The following EPHA6 variants were observed in gnomAD, a reference collection of about 807,000 sequenced individuals.
EPHA6 encodes the protein ephrin type-A receptor 6.
A neutral mutation model predicts 112.0 loss-of-function variants in EPHA6; 50 were observed. The ratio of observed to expected loss-of-function variants is 0.45; its 90% confidence interval spans 0.36 to 0.56. EPHA6 has a LOEUF of 0.56. Ranked by LOEUF, EPHA6 falls within the 20% of genes least tolerant of loss-of-function variation. The pLI is 0.00. For synonymous variants in EPHA6, 529 were observed against 490.7 expected (o/e 1.08, Z -1.03); for missense variants, 1,280 against 1,417.4 (o/e 0.90, Z 1.56).
chr3:97,323,660 C>T (rs1052160396), intron 5 of EPHA6, among the ~76,000 whole-genome samples: 1 of 151,820 alleles, frequency 6.6e-6, no homozygotes, highest in Non-Finnish European at 1.5e-5. Context: ...TATTCAAATC[C>T]TCACATAAAA....
chr3:97,468,193 T>C (rs1216945956), intron 7 of EPHA6, among the ~76,000 whole-genome samples: 3 of 150,038 alleles, frequency 2.0e-5, no homozygotes, highest in African/African-American at 4.9e-5. Flanking sequence ...TCAACAGAAA[T>C]GATCCATGAG....
In EPHA6 at chr3:97,228,081, G is replaced by T. The variant is rs577758634; in HGVS notation, c.1270+1662G>T. ...GCCTCTCATCTCATCATCATAGTCGGGATCCCAGTTTTAAGGTTTCTCTGG... is the reference window on the plus strand; with the variant it reads ...GCCTCTCATCTCATCATCATAGTCGTGATCCCAGTTTTAAGGTTTCTCTGG... On this transcript the variant is annotated intron_variant, in intron 4 of 17. Coordinates refer to ENST00000389672, the MANE Select transcript of EPHA6 (RefSeq NM_001080448.3). Among the ~76,000 whole-genome samples the T allele has an allele frequency of 2.0e-5, 3 of 152,222 alleles. No individual in the cohort carries two copies. In the South Asian group the frequency reaches 6.2e-4, roughly 32 times the overall value.
At chr3:97,461,092 T>A (rs2090873194) in intron 7 of EPHA6, among the ~76,000 whole-genome samples, 1 of 152,162 alleles carries the variant, frequency 6.6e-6, no homozygotes, top group Non-Finnish European at 1.5e-5. Context: ...ATCCTAACGG[T>A]TACTCCAAAC....
At chr3:97,646,555 T>C (rs1000638776) in intron 14 of EPHA6, among the ~76,000 whole-genome samples, 1 of 152,156 alleles carries the variant, frequency 6.6e-6, no homozygotes, top group Non-Finnish European at 1.5e-5. Context: ...CACTATTCTT[T>C]GGAGGGCCAA....
chr3:96,926,532 C>G (rs1262724011), intron 2 of EPHA6, among the ~76,000 whole-genome samples: 3 of 152,200 alleles, frequency 2.0e-5, no homozygotes, highest in Admixed American at 6.5e-5. Context: ...AAGACAAGTT[C>G]CTTCTGCCTA....
At chr3:97,378,428 C>T (rs371756708) in intron 5 of EPHA6, among the ~76,000 whole-genome samples, 10 of 152,180 alleles carry the variant, frequency 6.6e-5, no homozygotes, top group South Asian at 6.2e-4. Flanking sequence ...GGAGCCCCCA[C>T]GCAGAGTCCC....
At chr3:97,366,422 A>C (rs2108959904) in intron 5 of EPHA6, among the ~76,000 whole-genome samples, 1 of 152,308 alleles carries the variant, frequency 6.6e-6, no homozygotes, top group African/African-American at 2.4e-5. Flanking sequence ...CAGCTATGGA[A>C]GATTTAAGGT....
At chr3:97,662,703 G>T (rs540402104) in intron 14 of EPHA6, among the ~76,000 whole-genome samples, 1 of 152,094 alleles carries the variant, frequency 6.6e-6, no homozygotes, top group Non-Finnish European at 1.5e-5. Flanking sequence ...CATACCCCTA[G>T]CATCTACTGT....
At chr3:97,324,438 TTTCTTTC>T (rs1246336633) in intron 5 of EPHA6, among the ~76,000 whole-genome samples, 1 of 147,740 alleles carries the variant, frequency 6.8e-6, no homozygotes, top group African/African-American at 2.6e-5. Context: ...TCTTTCTTTC[TTTCTTTC>T]TTTCTTTCTT....
At chr3:97,239,147 T>C (rs1559819734) in intron 4 of EPHA6, among the ~76,000 whole-genome samples, 2 of 151,932 alleles carry the variant, frequency 1.3e-5, no homozygotes, top group Non-Finnish European at 2.9e-5. Flanking sequence ...ATTTGAAGTG[T>C]GCATACTCCT....
chr3:97,099,109 T>G (rs1477684185), intron 3 of EPHA6, among the ~76,000 whole-genome samples: 3 of 151,966 alleles, frequency 2.0e-5, no homozygotes, highest in African/African-American at 7.2e-5. Context: ...GTTGATATGT[T>G]AATGTGAAGT....
chr3:97,604,316 A>G (rs1191447526), intron 12 of EPHA6, among the ~76,000 whole-genome samples: 1 of 151,658 alleles, frequency 6.6e-6, no homozygotes, highest in Non-Finnish European at 1.5e-5. Context: ...GTGCTGGGTG[A>G]GCAAAATATA....
At position 97,439,624 on chromosome 3, in the gene EPHA6, C is replaced by T. The variant is rs533047763; in HGVS notation, c.1732-8944C>T. The T allele has an allele frequency of 2.0e-5, 20 of 1,005,206 alleles. No homozygotes were observed. The East Asian group carries it at 1.5e-3, about 77-fold the overall frequency. 62.3% of individuals were successfully genotyped at this position (1,005,206 alleles called of 1,614,324 possible). A position where few individuals can be genotyped will look rare whatever the true frequency, so the allele number is the denominator to read the frequency against. On this transcript the variant is annotated intron_variant, in intron 6 of 17. Transcript: ENST00000389672. ...GAATCCAAGGCAGAGTGGAACTTCCCAGCCTCAGAAAGGCAGAAACCAGGA... is the reference window on the plus strand; with the variant it reads ...GAATCCAAGGCAGAGTGGAACTTCCTAGCCTCAGAAAGGCAGAAACCAGGA...
intron 10 of EPHA6, among the ~76,000 whole-genome samples, chr3:97,514,310 T>C (rs2092413301): frequency 6.6e-6 from 1 of 152,186 alleles, no homozygotes; most frequent in African/African-American, 2.4e-5. Context: ...CCTCTGACTC[T>C]CTTACCTCTA....
At chr3:97,342,781 A>C (rs543433933) in intron 5 of EPHA6, among the ~76,000 whole-genome samples, 8 of 152,282 alleles carry the variant, frequency 5.3e-5, no homozygotes, top group Middle Eastern at 6.8e-3. Context: ...CCTGCAAACC[A>C]GAAAGAGGGC....
chr3:97,746,519 T>G (rs2035721538), intron 16 of EPHA6, among the ~76,000 whole-genome samples: 1 of 151,864 alleles, frequency 6.6e-6, no homozygotes, highest in African/African-American at 2.4e-5. Flanking sequence ...TTACCAGAAT[T>G]TATAAGATTA....
intron 13 of EPHA6, among the ~76,000 whole-genome samples, chr3:97,634,133 C>A (rs1043826459): frequency 2.0e-5 from 3 of 152,068 alleles, no homozygotes; most frequent in Non-Finnish European, 2.9e-5. Flanking sequence ...AATCCGGACT[C>A]CACCACTCAC....
chr3:97,239,124 T>C (rs1267939090), intron 4 of EPHA6, among the ~76,000 whole-genome samples: 6 of 151,912 alleles, frequency 3.9e-5, no homozygotes, highest in Admixed American at 1.3e-4. Flanking sequence ...TTTTGCCATA[T>C]GGAATGCAAA....
chr3:96,818,562 A>G (rs2107204693), intron 1 of EPHA6, among the ~76,000 whole-genome samples: 1 of 151,996 alleles, frequency 6.6e-6, no homozygotes, highest in East Asian at 1.9e-4. Flanking sequence ...ACTGAGTTGT[A>G]TATAAATACA....
Sources: gnomAD v4.1 joint callset for allele counts (sites outside exome capture counted in the v4.1 genomes callset) on GRCh38, gnomAD v4.1.1 for gene constraint, MANE v1.5 for transcripts, NCBI Gene and HGNC (gene_info 2026-07-23, HGNC 2026-07-21) for gene names.